EFCAB5: variants seen among roughly 807,000 people sequenced by gnomAD.
EFCAB5 encodes EF-hand calcium binding domain 5, also known as EF-hand calcium-binding domain-containing protein 5.
In EFCAB5, 131 loss-of-function variants were observed where a neutral mutation model predicts 167.9. The ratio of observed to expected loss-of-function variants is 0.78; its 90% confidence interval spans 0.68 to 0.90. The LOEUF (loss-of-function observed/expected upper bound fraction) is 0.90. EFCAB5 is among the 40% of genes least tolerant of loss of function. The pLI is 0.00. For missense variants in EFCAB5, 1,663 were observed against 1,745.2 expected, an observed-to-expected ratio of 0.95 and a Z score of 0.84; for synonymous variants, 574 against 602.8, an observed-to-expected ratio of 0.95 and a Z score of 0.70.
chr17:29,963,948 CT>C (rs2067773092), intron 3 of EFCAB5, among the ~76,000 whole-genome samples: 3 of 152,098 alleles, frequency 2.0e-5, no homozygotes, highest in African/African-American at 7.2e-5. Flanking sequence ...CCCTCTCTCT[CT>C]CTTGCTCCCT....
chr17:30,090,219 G>A (rs1447297621), intron 19 of EFCAB5: 5 of 645,958 alleles, frequency 7.7e-6, no homozygotes, highest in East Asian at 5.9e-5. Context: ...CTGCCGAGGG[G>A]ATGTTTGAGC....
At chr17:29,983,868 G>C (rs1432934059) in intron 4 of EFCAB5, among the ~76,000 whole-genome samples, 1 of 152,160 alleles carries the variant, frequency 6.6e-6, no homozygotes, top group Non-Finnish European at 1.5e-5. Flanking sequence ...AGGAAATGAT[G>C]TCTGAGGTGA....
intron 22 of EFCAB5, among the ~76,000 whole-genome samples, chr17:30,096,669 ATATATATATTTTT>A (rs1858517313): frequency 1.7e-5 from 1 of 59,814 alleles, no homozygotes; most frequent in East Asian, 7.5e-4. Context: ...ATATATATAT[ATATATATATTTTT>A]TTTTTTTTTT....
chr17:29,944,615 C>CTCT (rs2067358647), intron 3 of EFCAB5, among the ~76,000 whole-genome samples: 1 of 141,724 alleles, frequency 7.1e-6, no homozygotes, highest in Non-Finnish European at 1.5e-5. Context: ...TTGTTGTTTT[C>CTCT]TGTTTTGTTT....
intron 4 of EFCAB5, among the ~76,000 whole-genome samples, chr17:29,983,078 T>C (rs1272137867): frequency 1.3e-5 from 2 of 152,270 alleles, no homozygotes; most frequent in East Asian, 3.8e-4. Context: ...TGTAGATTGG[T>C]AACTTTGAGC....
Position 29,982,660 on chromosome 17 carries a change from C to G in EFCAB5, c.768-10505C>G, listed in dbSNP as rs188330554. Reference sequence around the variant, plus strand: ...TAGATCTGTACATGATTGATTAAAACAAGTCCCAGTTTTTAGTGGTCAAGA... The same window carrying G: ...TAGATCTGTACATGATTGATTAAAAGAAGTCCCAGTTTTTAGTGGTCAAGA... On this transcript the variant is annotated intron_variant, in intron 4 of 22. Transcript: ENST00000394835. Among the ~76,000 whole-genome samples the G allele has an allele frequency of 4.6e-5, 7 of 152,258 alleles. No individual in the cohort carries two copies. The East Asian group carries it at 1.4e-3, about 29-fold the overall frequency.
In EFCAB5 at chr17:29,993,748, G is replaced by C. The variant is rs1203899376; in HGVS notation, c.924+427G>C. On this transcript the variant is annotated intron_variant, in intron 5 of 22. Coordinates refer to ENST00000394835, the MANE Select transcript of EFCAB5 (RefSeq NM_198529.4). The stretch of plus-strand genomic sequence containing the variant: ...ACTTTTTCATTAGATACAATGCTAA[G>C]CATATTTTCAGTTTAAAGTGAATGA... Among the ~76,000 whole-genome samples the C allele has an allele frequency of 2.0e-5, 3 of 152,072 alleles. No individual in the cohort carries two copies. The East Asian group carries it at 5.8e-4, about 29-fold the overall frequency.
intron 7 of EFCAB5, among the ~76,000 whole-genome samples, chr17:30,033,654 C>G (rs918913757): frequency 6.6e-6 from 1 of 152,156 alleles, no homozygotes; most frequent in Non-Finnish European, 1.5e-5. Flanking sequence ...GCTAGAAATT[C>G]CACTTCTGGG....
At chr17:30,086,765 G>A (rs1352715462) in intron 18 of EFCAB5, among the ~76,000 whole-genome samples, 1 of 152,162 alleles carries the variant, frequency 6.6e-6, no homozygotes, top group African/African-American at 2.4e-5. Context: ...GGTGGTGCAT[G>A]CCTATAATCC....
At chr17:30,089,309 G>A (rs1013566204) in intron 19 of EFCAB5, among the ~76,000 whole-genome samples, 2 of 152,060 alleles carry the variant, frequency 1.3e-5, no homozygotes, top group Non-Finnish European at 2.9e-5. Context: ...GGCACTCATC[G>A]AGACACAACA....
At chr17:30,068,699 GAGTGGC>G in intron 14 of EFCAB5, 1 of 1,567,860 alleles carries the variant, frequency 6.4e-7, no homozygotes, top group Non-Finnish European at 8.7e-7. Context: ...AAGGCACTGG[GAGTGGC>G]AGTGGGTGGC....
At chr17:30,003,850 C>T (rs1597653523) in intron 7 of EFCAB5, among the ~76,000 whole-genome samples, 1 of 152,142 alleles carries the variant, frequency 6.6e-6, no homozygotes, top group South Asian at 2.1e-4. Context: ...GTTCCTCATA[C>T]AATATGTGAT....
intron 3 of EFCAB5, among the ~76,000 whole-genome samples, chr17:29,960,491 A>C (rs1165434084): frequency 6.6e-6 from 1 of 152,188 alleles, no homozygotes; most frequent in Non-Finnish European, 1.5e-5. Context: ...GGTTTGTTAC[A>C]TAGGTAAACA....
At chr17:29,984,494 C>T (rs991951349) in intron 4 of EFCAB5, among the ~76,000 whole-genome samples, 26 of 152,050 alleles carry the variant, frequency 1.7e-4, no homozygotes, top group African/African-American at 5.8e-4. Flanking sequence ...CCGAGGTGAG[C>T]GGATCACGAG....
rs186393232 is a variant in EFCAB5, at chr17:30,052,196, G to A, written c.1300+979G>A. Among the ~76,000 whole-genome samples the A allele has an allele frequency of 3.6e-4, 55 of 152,036 alleles. No individual in the cohort carries two copies. The East Asian group carries it at 6.4e-3, about 18-fold the overall frequency. On this transcript the variant is annotated intron_variant, in intron 9 of 22. Coordinates refer to ENST00000394835, the MANE Select transcript of EFCAB5 (RefSeq NM_198529.4). ...TGTCTTTTTTTTGAGACAGAGTCTCGCTCTGTTGCCGAGGCTGGAGTACAA... is the reference window on the plus strand; with the variant it reads ...TGTCTTTTTTTTGAGACAGAGTCTCACTCTGTTGCCGAGGCTGGAGTACAA...
In EFCAB5 at chr17:30,078,453, T is replaced by C; in HGVS notation, c.2976T>C (p.Ser992=). 1 of 1,613,682 alleles carries C rather than the reference T, an allele frequency of 6.2e-7. No individual in the cohort carries two copies. Among genetic ancestry groups the C allele is most frequent in the Non-Finnish European group, 8.5e-7 (1 of 1,179,732 alleles). Reference sequence around the variant, plus strand: ...AAATCCAATGTGCTGCAGAGACAAGTGGGGTGTCCCTAGAGCCGGTGTATA... The same window carrying C: ...AAATCCAATGTGCTGCAGAGACAAGCGGGGTGTCCCTAGAGCCGGTGTATA... The part of the protein sequence containing the change: ...LHQIQCAAET[S]GVSLEPVYSE... The change falls in exon 15 of 23, where the codon AGT becomes AGC. Residue 992 remains serine (S), a synonymous_variant. Coordinates refer to ENST00000394835, the MANE Select transcript of EFCAB5 (RefSeq NM_198529.4).
intron 3 of EFCAB5, among the ~76,000 whole-genome samples, chr17:29,944,622 G>GTTTTTTTT (rs1442294530): frequency 1.5e-5 from 2 of 134,144 alleles, no homozygotes; most frequent in African/African-American, 2.7e-5. Flanking sequence ...TTTCTGTTTT[G>GTTTTTTTT]TTTTGTTTTT....
chr17:30,043,445 T>G (rs570547316), intron 8 of EFCAB5, among the ~76,000 whole-genome samples: 31 of 152,042 alleles, frequency 2.0e-4, no homozygotes, highest in Non-Finnish European at 3.8e-4. Flanking sequence ...ATTCACAGAC[T>G]ACATGATCTT....
At chr17:30,035,095 A>AAT (rs2069582089) in intron 8 of EFCAB5, among the ~76,000 whole-genome samples, 1 of 152,244 alleles carries the variant, frequency 6.6e-6, no homozygotes, top group Admixed American at 6.5e-5. Context: ...GATATATTGC[A>AAT]ATCTAGGTTC....
Sources: gnomAD v4.1 joint callset for allele counts (sites outside exome capture counted in the v4.1 genomes callset) on GRCh38, gnomAD v4.1.1 for gene constraint, MANE v1.5 for transcripts, NCBI Gene and HGNC (gene_info 2026-07-23, HGNC 2026-07-21) for gene names.